The following METTL15 variants were observed in gnomAD, a reference collection of about 807,000 sequenced individuals.
METTL15 encodes the protein methyltransferase 15, mitochondrial 12S rRNA N4-cytidine.
METTL15 carries 34 observed loss-of-function variants against 38.3 expected under a neutral mutation model. The ratio of observed to expected loss-of-function variants is 0.89; its 90% CI spans 0.68 to 1.18. The LOEUF is 1.18. Ranked by LOEUF, METTL15 falls within the 50% of genes most tolerant of loss-of-function variation. The pLI, the probability that METTL15 is intolerant of heterozygous loss-of-function variation, is 0.00. For synonymous variants in METTL15, 162 were observed against 170.9 expected, an observed-to-expected ratio of 0.95 and a Z score of 0.41; for missense variants, 438 against 498.4, an observed-to-expected ratio of 0.88 and a Z score of 1.15.
intron 3 of METTL15, among the ~76,000 whole-genome samples, chr11:28,166,499 G>T (rs1850662855): frequency 6.6e-6 from 1 of 152,138 alleles, no homozygotes; most frequent in Admixed American, 6.6e-5. Flanking sequence ...CTTTCTTCTT[G>T]GTTATCATCC....
At chr11:28,278,420 A>G (rs1014677425) in intron 4 of METTL15, among the ~76,000 whole-genome samples, 1 of 152,198 alleles carries the variant, frequency 6.6e-6, no homozygotes, top group Non-Finnish European at 1.5e-5. Context: ...GTTTTATAAT[A>G]TTAAAGTAAA....
intron 6 of METTL15, among the ~76,000 whole-genome samples, chr11:28,320,379 C>T (rs530416548): frequency 2.6e-5 from 4 of 151,846 alleles, no homozygotes; most frequent in South Asian, 4.2e-4. Context: ...GGCAACGTAG[C>T]GAGACCCTAT....
chr11:28,216,697 G>C (rs538134102), intron 4 of METTL15, among the ~76,000 whole-genome samples: 1 of 146,110 alleles, frequency 6.8e-6, no homozygotes, highest in Non-Finnish European at 1.5e-5. Flanking sequence ...ATCTCCAAAT[G>C]CTATCCCTCC....
At chr11:28,519,913 ATTGT>A (rs541883394) in intron 6 of METTL15, among the ~76,000 whole-genome samples, 87 of 152,274 alleles carry the variant, frequency 5.7e-4, no homozygotes, top group South Asian at 1.2e-3. Context: ...AAGCCCCCTG[ATTGT>A]TTGTCCAGGC....
At chr11:28,479,246 G>A (rs80355690) in intron 6 of METTL15, among the ~76,000 whole-genome samples, 3,220 of 152,042 alleles carry the variant, frequency 0.021, 122 homozygotes, top group African/African-American at 0.074. Context: ...AGATGCTAGT[G>A]TTAACAGAAT....
At chr11:28,410,961 A>G (rs1200484039) in intron 5 of METTL15, among the ~76,000 whole-genome samples, 3 of 152,046 alleles carry the variant, frequency 2.0e-5, no homozygotes, top group Non-Finnish European at 4.4e-5. Context: ...GCATTTCTAT[A>G]CATACAAACA....
intron 3 of METTL15, among the ~76,000 whole-genome samples, chr11:28,195,647 C>T (rs980237888): frequency 6.6e-6 from 1 of 152,056 alleles, no homozygotes; most frequent in African/African-American, 2.4e-5. Flanking sequence ...TATTTTCTCT[C>T]ATTCTCTAGG....
chr11:28,275,074 A>G (rs1406363271), intron 4 of METTL15, among the ~76,000 whole-genome samples: 3 of 151,760 alleles, frequency 2.0e-5, no homozygotes, highest in Non-Finnish European at 4.4e-5. Context: ...GAAAAACAAG[A>G]ACATACAAAA....
At chr11:28,372,245 G>A (rs1282953883) in intron 5 of METTL15, among the ~76,000 whole-genome samples, 2 of 151,848 alleles carry the variant, frequency 1.3e-5, no homozygotes, top group South Asian at 2.1e-4. Flanking sequence ...TATGGTTTTT[G>A]TTCCTGGTTA....
At chr11:28,432,387 T>G (rs759879216) in intron 6 of METTL15, among the ~76,000 whole-genome samples, 1 of 152,240 alleles carries the variant, frequency 6.6e-6, no homozygotes, top group African/African-American at 2.4e-5. Context: ...AGTCTACTTA[T>G]GTACACATGA....
intron 6 of METTL15, among the ~76,000 whole-genome samples, chr11:28,303,321 T>G (rs1856973876): frequency 6.6e-6 from 1 of 152,176 alleles, no homozygotes; most frequent in African/African-American, 2.4e-5. Context: ...TAATCATTAA[T>G]TTTCTTTAGT....
At chr11:28,242,431 G>A (rs992165548) in intron 4 of METTL15, among the ~76,000 whole-genome samples, 2 of 152,018 alleles carry the variant, frequency 1.3e-5, no homozygotes, top group African/African-American at 4.8e-5. Context: ...ATGAACTAAA[G>A]GGCAAATTCT....
intron 5 of METTL15, among the ~76,000 whole-genome samples, chr11:28,382,121 G>C (rs1271988107): frequency 6.6e-6 from 1 of 152,118 alleles, no homozygotes; most frequent in African/African-American, 2.4e-5. Context: ...GTTTACTTCA[G>C]TTCTAGTAAA....
At chr11:28,270,531 A>G (rs1032091) in intron 4 of METTL15, among the ~76,000 whole-genome samples, 80,950 of 151,992 alleles carry the variant, frequency 0.53, 23,013 homozygotes, top group African/African-American at 0.73. Context: ...AAGAATAGAG[A>G]CATTGAAACA....
At chr11:28,262,436 A>G (rs578110183) in intron 4 of METTL15, among the ~76,000 whole-genome samples, 59 of 151,654 alleles carry the variant, frequency 3.9e-4, no homozygotes, top group African/African-American at 1.4e-3. Context: ...ATGTACTTTC[A>G]TAGTCATAGT....
intron 5 of METTL15, among the ~76,000 whole-genome samples, chr11:28,388,779 C>A (rs1850468653): frequency 6.6e-6 from 1 of 152,046 alleles, no homozygotes; most frequent in Non-Finnish European, 1.5e-5. Context: ...GTGCTGCACC[C>A]ATTAACTCGT....
intron 4 of METTL15, among the ~76,000 whole-genome samples, chr11:28,219,713 C>T (rs1590177293): frequency 6.6e-6 from 1 of 151,888 alleles, no homozygotes; most frequent in Non-Finnish European, 1.5e-5. Flanking sequence ...TATAAATTTC[C>T]CTCTACACAC....
intron 5 of METTL15, among the ~76,000 whole-genome samples, chr11:28,378,557 G>T (rs926772308): frequency 1.3e-5 from 2 of 152,142 alleles, no homozygotes; most frequent in African/African-American, 4.8e-5. Flanking sequence ...CCACTGTCTG[G>T]CACTCCCTAG....
intron 6 of METTL15, among the ~76,000 whole-genome samples, chr11:28,328,747 T>C (rs1274647978): frequency 6.6e-6 from 1 of 152,092 alleles, no homozygotes; most frequent in African/African-American, 2.4e-5. Context: ...TTTTTGCCTA[T>C]CTCAATTATT....
Sources: allele counts gnomAD v4.1 joint callset (sites outside exome capture counted in the v4.1 genomes callset), GRCh38; gene constraint gnomAD v4.1.1; transcripts MANE v1.5; gene names NCBI Gene and HGNC (gene_info 2026-07-23, HGNC 2026-07-21).